The following CUX1 variants were observed in gnomAD, a reference collection of about 807,000 sequenced individuals.
The protein encoded by CUX1 is protein CASP.
Under a neutral mutation model 158.8 loss-of-function variants are expected in CUX1, and 31 were observed. The ratio of observed to expected loss-of-function variants is 0.20; its 90% confidence interval spans 0.15 to 0.26. The LOEUF (loss-of-function observed/expected upper bound fraction) is 0.26. Among genes scored for constraint, CUX1 ranks in the 10% least tolerant of loss-of-function variants. The pLI is 1.00. For missense variants in CUX1, 1,589 were observed against 2,014.6 expected, an observed-to-expected ratio of 0.79 and a Z score of 4.04; for synonymous variants, 879 against 862.1, an observed-to-expected ratio of 1.02 and a Z score of -0.34.
chr7:102,112,637 T>C (rs1464550452), intron 7 of CUX1, among the ~76,000 whole-genome samples: 1 of 151,842 alleles, frequency 6.6e-6, no homozygotes, highest in African/African-American at 2.4e-5. Flanking sequence ...TGGTGTGATC[T>C]CAGGTCACTG....
At chr7:102,260,994 C>A (rs1474619027), downstream of CUX1, among the ~76,000 whole-genome samples, 3 of 152,222 alleles carry the variant, frequency 2.0e-5, no homozygotes, top group East Asian at 1.9e-4. Flanking sequence ...ATGTACGGAC[C>A]CAACCAGGGA....
chr7:102,266,286 C>T (rs1439800323), intron 14 of CUX1, among the ~76,000 whole-genome samples: 2 of 151,444 alleles, frequency 1.3e-5, no homozygotes, highest in South Asian at 2.1e-4. Context: ...GGCTACCTCC[C>T]GGGGTTTGGT....
At chr7:101,886,742 C>T (rs889048015) in intron 1 of CUX1, among the ~76,000 whole-genome samples, 11 of 152,140 alleles carry the variant, frequency 7.2e-5, no homozygotes, top group Admixed American at 2.6e-4. Context: ...GAGCAGGGAC[C>T]GCAGGCACAA....
intron 1 of CUX1, among the ~76,000 whole-genome samples, chr7:101,825,628 A>G (rs1396007651): frequency 6.6e-6 from 1 of 152,138 alleles, no homozygotes. Context: ...GAGGAAGGAT[A>G]TTGCCAGTTA....
intron 23 of CUX1, among the ~76,000 whole-genome samples, chr7:102,240,169 G>A (rs10252860): frequency 0.027 from 4,154 of 152,236 alleles, 203 homozygotes; most frequent in African/African-American, 0.095. Flanking sequence ...ATCACCTCTC[G>A]ATTACATCAT....
rs564257016 is a variant in CUX1, at chr7:102,086,853, G to A, written c.269-10511G>A. Among the ~76,000 whole-genome samples, 30 of 151,896 alleles carry A rather than the reference G, an allele frequency of 2.0e-4. No individual in the cohort carries two copies. The South Asian group carries it at 5.0e-3, about 25-fold the overall frequency. ...AATATACCTTTAAGATTATTATATC[G>A]TCTCTCAATTGTTTGATTCTTTTAA... On this transcript the variant is annotated intron_variant, in intron 4 of 23. Coordinates refer to ENST00000292535, the MANE Select transcript of CUX1 (RefSeq NM_181552.4).
chr7:101,838,383 G>A (rs1351104182), intron 1 of CUX1, among the ~76,000 whole-genome samples: 1 of 150,890 alleles, frequency 6.6e-6, no homozygotes, highest in African/African-American at 2.4e-5. Flanking sequence ...ACCCACCTCA[G>A]CCTCCCAAAG....
intron 2 of CUX1, among the ~76,000 whole-genome samples, chr7:102,014,647 C>CCTGCTAGGT (rs1818392855): frequency 6.6e-6 from 1 of 152,114 alleles, no homozygotes; most frequent in South Asian, 2.1e-4. Context: ...TTCTCCTTCG[C>CCTGCTAGGT]CTGCTAGGTT....
At chr7:101,856,149 C>G (rs1796784295) in intron 1 of CUX1, among the ~76,000 whole-genome samples, 1 of 137,302 alleles carries the variant, frequency 7.3e-6, no homozygotes, top group South Asian at 2.3e-4. Context: ...AGCCATTGCA[C>G]TCCAGTCTGG....
At chr7:101,977,199 C>G (rs1812820786) in intron 2 of CUX1, among the ~76,000 whole-genome samples, 1 of 152,104 alleles carries the variant, frequency 6.6e-6, no homozygotes, top group Non-Finnish European at 1.5e-5. Flanking sequence ...AGGCGTGAGC[C>G]ACTGCACCCA....
intron 1 of CUX1, among the ~76,000 whole-genome samples, chr7:101,895,744 A>G (rs1480407300): frequency 6.6e-6 from 1 of 152,148 alleles, no homozygotes; most frequent in Non-Finnish European, 1.5e-5. Flanking sequence ...TTGCCCTCCA[A>G]AAGAAGTCAC....
At chr7:102,167,971 G>A (rs868995955) in intron 9 of CUX1, among the ~76,000 whole-genome samples, 4 of 151,914 alleles carry the variant, frequency 2.6e-5, no homozygotes, top group Admixed American at 6.6e-5. Flanking sequence ...CTAGCTACTC[G>A]GGAGGCTGAG....
chr7:101,990,978 G>A (rs1018782169), intron 2 of CUX1, among the ~76,000 whole-genome samples: 3 of 152,122 alleles, frequency 2.0e-5, no homozygotes, highest in East Asian at 1.9e-4. Flanking sequence ...ATGTATTTCC[G>A]CATCTTTACG....
At chr7:101,836,437 G>A (rs117100858) in intron 1 of CUX1, among the ~76,000 whole-genome samples, 2,036 of 152,172 alleles carry the variant, frequency 0.013, 22 homozygotes, top group South Asian at 0.029. Flanking sequence ...TGTGCAGTTT[G>A]GGATGAGAGT....
chr7:102,042,727 G>A (rs1247978625), intron 3 of CUX1, among the ~76,000 whole-genome samples: 1 of 151,784 alleles, frequency 6.6e-6, no homozygotes, highest in African/African-American at 2.4e-5. Flanking sequence ...TTTATCCTCA[G>A]CTCTATTAAA....
chr7:102,204,138 T>G (rs1381400000), intron 18 of CUX1, among the ~76,000 whole-genome samples: 3 of 152,142 alleles, frequency 2.0e-5, no homozygotes, highest in Non-Finnish European at 4.4e-5. Context: ...CCCTCTTCCC[T>G]CCCTGGGAGC....
intron 2 of CUX1, among the ~76,000 whole-genome samples, chr7:101,918,746 C>T (rs1440306918): frequency 1.3e-5 from 2 of 152,240 alleles, no homozygotes; most frequent in African/African-American, 4.8e-5. Flanking sequence ...TGCCAGCAGC[C>T]AGAGCTTCCT....
rs146891754 is a variant in CUX1 at position 102,113,325 on chromosome 7, G to A, written c.607+1551G>A. Among the ~76,000 whole-genome samples, 931 of 152,064 alleles carry A rather than the reference G, an allele frequency of 6.1e-3. 11 individuals are homozygous for A. The highest frequency in any genetic ancestry group is 0.021 in the African/African-American group (886 of 41,504). On this transcript the variant is annotated intron_variant, in intron 7 of 23. Coordinates refer to ENST00000292535, the MANE Select transcript of CUX1 (RefSeq NM_181552.4). Reference sequence around the variant, plus strand: ...ACAATCTCGGCTCACTGCAACCTCTGCTCCCCGGGTTCAAGTGATTCTTCT... The same window carrying A: ...ACAATCTCGGCTCACTGCAACCTCTACTCCCCGGGTTCAAGTGATTCTTCT...
chr7:102,028,584 T>C (rs1820334784), intron 3 of CUX1, among the ~76,000 whole-genome samples: 1 of 152,200 alleles, frequency 6.6e-6, no homozygotes, highest in African/African-American at 2.4e-5. Context: ...ATCACAGGCT[T>C]GAAACACAGA....
Sources: gnomAD v4.1 joint callset for allele counts (sites outside exome capture counted in the v4.1 genomes callset) on GRCh38, gnomAD v4.1.1 for gene constraint, MANE v1.5 for transcripts, NCBI Gene and HGNC (gene_info 2026-07-23, HGNC 2026-07-21) for gene names.